The following WDR27 variants were observed in gnomAD, a reference collection of about 807,000 sequenced individuals.
The protein encoded by WDR27 is WD repeat domain 27.
In WDR27, 100 loss-of-function variants were observed where a neutral mutation model predicts 114.4. The observed-to-expected ratio is 0.87, with a 90% CI of 0.74 to 1.03. The LOEUF is 1.03. WDR27 is among the 50% of genes least tolerant of loss of function. WDR27 has a pLI of 0.00. For missense variants in WDR27, 1,129 were observed against 1,092.9 expected, an observed-to-expected ratio of 1.03 and a Z score of -0.47; for synonymous variants, 449 against 423.1, an observed-to-expected ratio of 1.06 and a Z score of -0.75.
Position 169,654,696 on chromosome 6 carries a change from TGAG to T in WDR27, c.1403-2691_1403-2689del, listed in dbSNP as rs370605770. 5.1e-3 allele frequency among the ~76,000 whole-genome samples: 742 copies of T among 144,598 alleles called. 14 individuals are homozygous for T. The highest frequency in any genetic ancestry group is 0.019 in the African/African-American group (719 of 38,218). 94.9% of individuals were successfully genotyped at this position (144,598 alleles called of 152,430 possible). A position where few individuals can be genotyped will look rare whatever the true frequency, so the allele number is the denominator to read the frequency against. Reference sequence around the variant, plus strand: ...CGCCTAAGTGAGAAGCCAGGCGAGCTGAGGAGGAGGCGCGCACAGGAGAAGGAG... The same window carrying T: ...CGCCTAAGTGAGAAGCCAGGCGAGCTGAGGAGGCGCGCACAGGAGAAGGAG... On this transcript the variant is annotated intron_variant, in intron 13 of 25. Transcript: ENST00000448612.
chr6:169,457,567 A>G lies in WDR27; in HGVS notation c.*25T>C, dbSNP rs1343712152. On this transcript the variant is annotated 3_prime_UTR_variant, in exon 26 of 26. Coordinates refer to ENST00000448612, the MANE Select transcript of WDR27 (RefSeq NM_182552.5). ...TGTTCCTCACAGCATTCCTGGACCC[A>G]GCTCACAGGTCAGTGGTTACTCAGC... 1 of 1,546,998 alleles carries G rather than the reference A, an allele frequency of 6.5e-7. No homozygotes were observed. The highest frequency in any genetic ancestry group is 1.2e-5 in the South Asian group (1 of 82,934).
the WDR27 span, among the ~76,000 whole-genome samples, chr6:169,444,266 A>G: frequency 6.6e-6 from 1 of 152,312 alleles, no homozygotes; most frequent in South Asian, 2.1e-4. Context: ...TCTACTTCCC[A>G]GGAGCCAAAT....
intron 25 of WDR27, among the ~76,000 whole-genome samples, chr6:169,486,302 A>G (rs1313322176): frequency 6.6e-6 from 1 of 152,154 alleles, no homozygotes; most frequent in East Asian, 1.9e-4. Flanking sequence ...GACTTAAAAG[A>G]GAGCTACCAT....
At chr6:169,694,032 G>A (rs992108054) in intron 1 of WDR27, among the ~76,000 whole-genome samples, 9 of 152,246 alleles carry the variant, frequency 5.9e-5, no homozygotes, top group Non-Finnish European at 8.8e-5. Flanking sequence ...CAGTCATGCC[G>A]GGCGCAGTGG....
intron 22 of WDR27, among the ~76,000 whole-genome samples, chr6:169,607,459 A>G (rs1809489965): frequency 6.6e-6 from 1 of 152,056 alleles, no homozygotes; most frequent in Admixed American, 6.6e-5. Context: ...GAAAAAAATG[A>G]AATCATGTCT....
At position 169,698,083 on chromosome 6, in the gene WDR27, A is replaced by C. The variant is rs1306446309; in HGVS notation, c.-8+3468T>G. 9.2e-5 allele frequency among the ~76,000 whole-genome samples: 14 copies of C among 152,310 alleles called. No individual in the cohort carries two copies. In the East Asian group the frequency reaches 2.5e-3, roughly 27 times the overall value. On this transcript the variant is annotated intron_variant, in intron 1 of 25. Coordinates refer to ENST00000448612, the MANE Select transcript of WDR27 (RefSeq NM_182552.5). ...TCACAGAAACAATGGTGTGAAGCCA[A>C]GGAGGGAAGGAAGCCTTGTCAGGAC...
chr6:169,638,299 G>A lies in WDR27; in HGVS notation c.1869+240C>T, dbSNP rs1475893326. Among the ~76,000 whole-genome samples the A allele has an allele frequency of 2.3e-5, 3 of 131,554 alleles. 1 individual carries two copies. The highest frequency in any genetic ancestry group is 5.6e-5 in the African/African-American group (2 of 35,450). 86.3% of individuals were successfully genotyped at this position (131,554 alleles called of 152,430 possible). On this transcript the variant is annotated intron_variant, in intron 18 of 25. Transcript: ENST00000448612. ...CCACTGCAGTCCGCAGTCCGACCTG[G>A]GCGACAGAGCGAGACTCCGTCTCAA...
At chr6:169,437,447 G>A in the WDR27 span, among the ~76,000 whole-genome samples, 2 of 152,074 alleles carry the variant, frequency 1.3e-5, no homozygotes, top group Non-Finnish European at 2.9e-5. Context: ...ATTTTCTGAA[G>A]TAGAGCTTTT....
chr6:169,513,443 G>A (rs1012086852), intron 25 of WDR27, among the ~76,000 whole-genome samples: 1 of 152,076 alleles, frequency 6.6e-6, no homozygotes, highest in Middle Eastern at 3.2e-3. Context: ...AGGATTTGCA[G>A]CCATGTTTCA....
At chr6:169,611,898 G>T (rs1810623254) in intron 22 of WDR27, among the ~76,000 whole-genome samples, 1 of 152,144 alleles carries the variant, frequency 6.6e-6, no homozygotes, top group Non-Finnish European at 1.5e-5. Context: ...AATTTGGGAG[G>T]CTGAGGCGGG....
intron 25 of WDR27, among the ~76,000 whole-genome samples, chr6:169,464,679 G>C (rs536208097): frequency 1.2e-4 from 19 of 152,330 alleles, no homozygotes; most frequent in African/African-American, 4.1e-4. Context: ...CTTCTAACAA[G>C]GGATGTCTGA....
intron 21 of WDR27, among the ~76,000 whole-genome samples, chr6:169,631,494 T>G (rs1816356292): frequency 6.6e-6 from 1 of 152,100 alleles, no homozygotes; most frequent in African/African-American, 2.4e-5. Context: ...CCCTCCCTTC[T>G]CCGACCAAGG....
rs542082761 is a variant in WDR27 at position 169,458,400 on chromosome 6, A to G, written c.2646-766T>C. 1.1e-3 allele frequency among the ~76,000 whole-genome samples: 173 copies of G among 152,082 alleles called. No individual in the cohort carries two copies. The Middle Eastern group carries it at 0.021, about 18-fold the overall frequency. On this transcript the variant is annotated intron_variant, in intron 25 of 25. Transcript: ENST00000448612. The stretch of plus-strand genomic sequence containing the variant: ...TGGCTACAAGCCCCTTTCCTCCAGG[A>G]GAAGCAACTTCCAGGGCATTGAAGG...
chr6:169,511,210 GA>G (rs1311013576), intron 25 of WDR27, among the ~76,000 whole-genome samples: 1 of 152,122 alleles, frequency 6.6e-6, no homozygotes, highest in East Asian at 1.9e-4. Context: ...ACCTTCCATT[GA>G]AAGTGATTAT....
At chr6:169,545,851 T>C (rs540253720) in intron 25 of WDR27, among the ~76,000 whole-genome samples, 1 of 152,136 alleles carries the variant, frequency 6.6e-6, no homozygotes, top group South Asian at 2.1e-4. Context: ...TTATGATACA[T>C]AGTAATTATA....
At chr6:169,579,429 C>G (rs2128136883) in intron 24 of WDR27, among the ~76,000 whole-genome samples, 1 of 152,256 alleles carries the variant, frequency 6.6e-6, no homozygotes, top group South Asian at 2.1e-4. Flanking sequence ...ATTAGGGGGT[C>G]TGAGGCAGGG....
intron 24 of WDR27, among the ~76,000 whole-genome samples, chr6:169,573,137 G>C (rs1476832478): frequency 6.6e-6 from 1 of 152,026 alleles, no homozygotes. Context: ...GCAGACCTCC[G>C]CCTTCGTCTG....
intron 24 of WDR27, among the ~76,000 whole-genome samples, chr6:169,579,484 T>A (rs1396881882): frequency 1.3e-5 from 2 of 152,128 alleles, no homozygotes; most frequent in Non-Finnish European, 2.9e-5. Flanking sequence ...ACCCTGCTGA[T>A]CAAAACAGGA....
intron 25 of WDR27, among the ~76,000 whole-genome samples, chr6:169,549,669 G>A (rs548173622): frequency 6.6e-6 from 1 of 152,374 alleles, no homozygotes; most frequent in East Asian, 1.9e-4. Context: ...GGTGCATCCA[G>A]ATGACAGAGT....
Sources: gnomAD v4.1 joint callset for allele counts (sites outside exome capture counted in the v4.1 genomes callset) on GRCh38, gnomAD v4.1.1 for gene constraint, MANE v1.5 for transcripts, NCBI Gene and HGNC (gene_info 2026-07-23, HGNC 2026-07-21) for gene names.